ADD1: variants seen among roughly 807,000 people sequenced by gnomAD.
ADD1 encodes the protein adducin 1, also known as alpha-adducin.
A neutral mutation model predicts 80.5 loss-of-function variants in ADD1; 24 were observed. The observed-to-expected ratio is 0.30, with a 90% CI of 0.22 to 0.42. ADD1 has a LOEUF of 0.42. Ranked by LOEUF, ADD1 falls within the 10% of genes least tolerant of loss-of-function variation. ADD1 has a pLI of 1.00. For synonymous variants in ADD1, 373 were observed against 393.8 expected, an observed-to-expected ratio of 0.95 and a Z score of 0.63; for missense variants, 948 against 1,019.0, an observed-to-expected ratio of 0.93 and a Z score of 0.95.
chr4:2,898,202 G>T lies in ADD1; in HGVS notation c.760G>T (p.Gly254Cys), dbSNP rs767731754. 3.7e-6 allele frequency: 6 copies of T among 1,613,606 alleles called. No individual in the cohort carries two copies. The highest frequency in any genetic ancestry group is 5.1e-6 in the Non-Finnish European group (6 of 1,179,750). ...TCTCTAGGTCTCTGCAATGAAATGT[G>T]GCCTCTTGCCAATCTCCCCGGAGGC... ...AGAAVSAMKC[G>C]LLPISPEALS... Residue 254 changes from glycine to cysteine, a missense_variant, in exon 7 of 16, where the codon GGC (glycine) becomes TGC (cysteine). Transcript: ENST00000683351.
At chr4:2,902,454 G>A (rs916375007) in intron 9 of ADD1, 44 of 152,158 alleles carry the variant, frequency 2.9e-4, no homozygotes, top group African/African-American at 1.0e-3. Flanking sequence ...TTAAAAAAAT[G>A]TAGGCCGGTC....
intron 14 of ADD1, among the ~76,000 whole-genome samples, chr4:2,922,064 T>G (rs974151263): frequency 3.3e-5 from 5 of 152,074 alleles, no homozygotes; most frequent in African/African-American, 1.2e-4. Flanking sequence ...TTAGCCTCCT[T>G]GCATTGGGTT....
rs575231506 is a variant in ADD1, at chr4:2,894,667, C to T, written c.677C>T (p.Ala226Val). 9 of 1,607,346 alleles carry T rather than the reference C, an allele frequency of 5.6e-6. No individual in the cohort carries two copies. The highest frequency in any genetic ancestry group is 2.2e-5 in the South Asian group (2 of 89,378). The change falls in exon 6 of 16, where the codon GCA (alanine) becomes GTA (valine). Residue 226 changes from alanine (A) to valine (V), a missense_variant. Physicochemically the swap from Ala to Val is moderately conservative, Grantham distance 64. Coordinates refer to ENST00000683351, the MANE Select transcript of ADD1 (RefSeq NM_001354761.2). ...VNQAGFTLHS[A>V]IYAARPDVKC... ...CAGGCCGGCTTCACCTTACACTCTG[C>T]AATTTATGCTGCACGCCCGGACGTG...
At chr4:2,874,005 T>A (rs967174150) in intron 1 of ADD1, among the ~76,000 whole-genome samples, 1 of 150,218 alleles carries the variant, frequency 6.7e-6, no homozygotes, top group Non-Finnish European at 1.5e-5. Context: ...AACCTAGGAG[T>A]TTGAGACCAG....
chr4:2,854,609 G>T (rs565271353), intron 1 of ADD1, among the ~76,000 whole-genome samples: 1 of 152,188 alleles, frequency 6.6e-6, no homozygotes, highest in African/African-American at 2.4e-5. Flanking sequence ...CTGTTGAGCT[G>T]TACTTAGGTT....
intron 8 of ADD1, chr4:2,898,772 A>T: frequency 2.0e-6 from 1 of 510,470 alleles, no homozygotes; most frequent in Non-Finnish European, 3.5e-6. Context: ...AGTCACTACC[A>T]TTTATGGAGT....
Position 2,884,594 on chromosome 4 carries a change from G to C in ADD1, c.438G>C (p.Arg146=). ...ATGACAAAGGAGAGAAGTTATTACG[G>C]TGTAAATTGGCAGCGTTTTATAGAC... The part of the protein sequence containing the change: ...IAYDKGEKLL[R]CKLAAFYRLA... Residue 146 remains arginine, a synonymous_variant, in exon 4 of 16, where the codon CGG becomes CGC. Coordinates refer to ENST00000683351, the MANE Select transcript of ADD1 (RefSeq NM_001354761.2). 1 of 1,613,596 alleles carries C rather than the reference G, an allele frequency of 6.2e-7. No homozygotes were observed. The highest frequency in any genetic ancestry group is 8.5e-7 in the Non-Finnish European group (1 of 1,179,694).
chr4:2,899,651 T>C (rs1000459404), intron 9 of ADD1: 2 of 597,342 alleles, frequency 3.3e-6, no homozygotes, highest in Non-Finnish European at 5.9e-6. Flanking sequence ...TTTTTAAAGA[T>C]AACCTTGTGT....
chr4:2,918,828 A>G (rs999497453), intron 14 of ADD1, among the ~76,000 whole-genome samples: 2 of 149,998 alleles, frequency 1.3e-5, no homozygotes, highest in African/African-American at 4.9e-5. Flanking sequence ...ATTGATTTGC[A>G]TATGGTTTTT....
intron 2 of ADD1, among the ~76,000 whole-genome samples, chr4:2,877,282 A>C (rs181807041): frequency 2.0e-5 from 3 of 152,074 alleles, no homozygotes. Context: ...GTCATTTGGC[A>C]GAAGTTTATT....
At chr4:2,921,412 G>A (rs1280344873) in intron 14 of ADD1, among the ~76,000 whole-genome samples, 1 of 152,220 alleles carries the variant, frequency 6.6e-6, no homozygotes, top group Non-Finnish European at 1.5e-5. Context: ...ACAGGCGTGA[G>A]CCACTGCACC....
intron 2 of ADD1, among the ~76,000 whole-genome samples, chr4:2,876,683 A>G (rs1731352585): frequency 6.6e-6 from 1 of 152,088 alleles, no homozygotes; most frequent in Non-Finnish European, 1.5e-5. Context: ...AAAAATACAA[A>G]AAAAAATTAG....
In ADD1 at chr4:2,864,620, C is replaced by G. The variant is rs556787507; in HGVS notation, c.-20-11276C>G. On this transcript the variant is annotated intron_variant, in intron 1 of 15. Transcript: ENST00000683351. ...TTCAGGAGATTTTTGGAGTCCTGCT[C>G]TGTGTGCCCTTCTGCCAGGTGGCCC... Among the ~76,000 whole-genome samples the G allele has an allele frequency of 3.9e-5, 6 of 152,200 alleles. No homozygotes were observed. In the South Asian group the frequency reaches 1.0e-3, roughly 26 times the overall value.
At chr4:2,910,361 T>G (rs1737824176) in intron 13 of ADD1, among the ~76,000 whole-genome samples, 1 of 152,154 alleles carries the variant, frequency 6.6e-6, no homozygotes, top group African/African-American at 2.4e-5. Flanking sequence ...TATTCCTGTC[T>G]GTAATCCCTG....
intron 2 of ADD1, chr4:2,881,692 C>T: frequency 2.3e-6 from 1 of 426,722 alleles, no homozygotes; most frequent in Non-Finnish European, 4.1e-6. Context: ...AATTCCTGTT[C>T]AGAGTTTTAA....
chr4:2,924,274 A>G (rs955837673), intron 14 of ADD1, among the ~76,000 whole-genome samples: 1 of 152,204 alleles, frequency 6.6e-6, no homozygotes, highest in Non-Finnish European at 1.5e-5. Context: ...GTTGAGAACT[A>G]ATGAGAGAAG....
Position 2,904,888 on chromosome 4 carries a change from C to G in ADD1, c.1286C>G (p.Thr429Ser), listed in dbSNP as rs781132961. ...TTTGCTAGTGACGGTGATTCGGGCA[C>G]TTGCTCCCCACTCAGACACAGTTTT... ...YSFASDGDSGTCSPLRHSFQK... is the reference protein window; with the variant it reads ...YSFASDGDSGSCSPLRHSFQK... The change falls in exon 10 of 16, where the codon ACT (threonine) becomes AGT (serine). Residue 429 changes from threonine to serine, a missense_variant. Coordinates refer to ENST00000683351, the MANE Select transcript of ADD1 (RefSeq NM_001354761.2). 14 of 1,614,088 alleles carry G rather than the reference C, an allele frequency of 8.7e-6. No homozygotes were observed. The African/African-American group carries it at 1.6e-4, about 18-fold the overall frequency.
chr4:2,853,947 G>A (rs1159874394), intron 1 of ADD1, among the ~76,000 whole-genome samples: 1 of 152,192 alleles, frequency 6.6e-6, no homozygotes, highest in African/African-American at 2.4e-5. Flanking sequence ...AATGGCTTGT[G>A]TGCTGCTGAT....
At chr4:2,845,096 CGGAGTCTCGCTCTGTCGCCAGGCT>C (rs1312033116) in intron 1 of ADD1, among the ~76,000 whole-genome samples, 4 of 151,086 alleles carry the variant, frequency 2.6e-5, no homozygotes, top group Non-Finnish European at 5.9e-5. Flanking sequence ...TTTTTTGAGA[CGGAGTCTCGCTCTGTCGCCAGGCT>C]GGAGTACAGT....
Sources: gnomAD v4.1 joint callset for allele counts (sites outside exome capture counted in the v4.1 genomes callset) on GRCh38, gnomAD v4.1.1 for gene constraint, MANE v1.5 for transcripts, NCBI Gene and HGNC (gene_info 2026-07-23, HGNC 2026-07-21) for gene names.